The following CELF4 variants were observed in gnomAD, a reference collection of about 807,000 sequenced individuals.
CELF4 encodes CUGBP Elav-like family member 4, also known as CUG-BP- and ETR-3-like factor 4.
In CELF4, 18 loss-of-function variants were observed where a neutral mutation model predicts 59.9. That is an observed-to-expected ratio of 0.30 (90% CI 0.21 to 0.45). The LOEUF (loss-of-function observed/expected upper bound fraction) is 0.45. CELF4 is among the 20% of genes least tolerant of loss of function. CELF4 has a pLI of 1.00. For missense variants in CELF4, 456 were observed against 689.0 expected (o/e 0.66, Z 3.79); for synonymous variants, 261 against 267.1 (o/e 0.98, Z 0.22).
At chr18:37,460,938 G>T (rs945081626) in intron 2 of CELF4, among the ~76,000 whole-genome samples, 1 of 152,306 alleles carries the variant, frequency 6.6e-6, no homozygotes, top group Non-Finnish European at 1.5e-5. Context: ...ATGACACTGA[G>T]ATTCCATCAA....
chr18:37,534,063 T>C (rs553963571), intron 1 of CELF4, among the ~76,000 whole-genome samples: 1 of 152,200 alleles, frequency 6.6e-6, no homozygotes, highest in Non-Finnish European at 1.5e-5. Flanking sequence ...GGATTCCCCG[T>C]CTCTCATTCC....
At chr18:37,288,660 C>A (rs2154406710) in intron 3 of CELF4, among the ~76,000 whole-genome samples, 1 of 152,304 alleles carries the variant, frequency 6.6e-6, no homozygotes, top group African/African-American at 2.4e-5. Context: ...GTCATGAGGC[C>A]CTGCTGAGCT....
intron 2 of CELF4, among the ~76,000 whole-genome samples, chr18:37,425,671 A>C (rs981111905): frequency 1.3e-5 from 2 of 152,388 alleles, no homozygotes; most frequent in South Asian, 4.1e-4. Context: ...AGATTCAAGA[A>C]AGAAAAAAGC....
intron 1 of CELF4, among the ~76,000 whole-genome samples, chr18:37,489,400 C>T (rs931009740): frequency 6.6e-6 from 1 of 152,036 alleles, no homozygotes; most frequent in Non-Finnish European, 1.5e-5. Context: ...TGGTGAGAGG[C>T]CTGTGGTGGA....
chr18:37,496,412 G>A lies in CELF4; in HGVS notation c.287-10805C>T, dbSNP rs192313951. Among the ~76,000 whole-genome samples, 293 of 152,286 alleles carry A rather than the reference G, an allele frequency of 1.9e-3. 1 individual carries two copies. The highest frequency in any genetic ancestry group is 6.8e-3 in the African/African-American group (283 of 41,562). On this transcript the variant is annotated intron_variant, in intron 1 of 12. Transcript: ENST00000420428. ...CCACCCCTCTTTGATTGCAGGGTCT[G>A]GTCACATGGTGGCACTCAGGACCTG...
chr18:37,565,730 T>A lies in CELF4; in HGVS notation c.-89A>T. On this transcript the variant is annotated 5_prime_UTR_variant, in exon 1 of 13. It removes an upstream start codon present in the reference 5' UTR. Coordinates refer to ENST00000420428, the MANE Select transcript of CELF4 (RefSeq NM_020180.4). ...GCTCGCGCTCACACACGCACACGCATACACACACTCGGGTTCTCTCCCCCT... is the reference window on the plus strand; with the variant it reads ...GCTCGCGCTCACACACGCACACGCAAACACACACTCGGGTTCTCTCCCCCT... 8.9e-7 allele frequency: 1 copy of A among 1,124,000 alleles called. No homozygotes were observed. Among genetic ancestry groups the A allele is most frequent in the Non-Finnish European group, 1.2e-6 (1 of 811,838 alleles). 69.6% of individuals were successfully genotyped at this position (1,124,000 alleles called of 1,614,324 possible).
chr18:37,527,154 A>G (rs1043661226), intron 1 of CELF4, among the ~76,000 whole-genome samples: 2 of 152,012 alleles, frequency 1.3e-5, no homozygotes, highest in Non-Finnish European at 2.9e-5. Flanking sequence ...AATGAGCACA[A>G]TGATCAAGAA....
chr18:37,438,658 A>G (rs988937065), intron 2 of CELF4, among the ~76,000 whole-genome samples: 1 of 152,234 alleles, frequency 6.6e-6, no homozygotes, highest in Non-Finnish European at 1.5e-5. Flanking sequence ...GAATCCAGCC[A>G]GAAAAAATAT....
In CELF4 at chr18:37,258,667, C is replaced by T. The variant is rs528756269; in HGVS notation, c.1333+514G>A. ...AGGACAGAGAGCTGGAGAGAGGAGG[C>T]GAAGGGGTGGGCAGGAGAGGGGCCT... On this transcript the variant is annotated intron_variant, in intron 11 of 12. Transcript: ENST00000420428. 1.2e-4 allele frequency among the ~76,000 whole-genome samples: 18 copies of T among 152,032 alleles called. No homozygotes were observed. The East Asian group carries it at 2.9e-3, about 25-fold the overall frequency.
intron 1 of CELF4, among the ~76,000 whole-genome samples, chr18:37,550,828 C>T (rs538869094): frequency 6.6e-5 from 10 of 152,308 alleles, no homozygotes; most frequent in South Asian, 2.1e-4. Context: ...CGATTAGAGA[C>T]GTTTCTTTGG....
At chr18:37,256,456 C>T (rs1480866060) in intron 11 of CELF4, among the ~76,000 whole-genome samples, 1 of 152,202 alleles carries the variant, frequency 6.6e-6, no homozygotes, top group African/African-American at 2.4e-5. Context: ...TAAGCTCCCT[C>T]ACAGCATCCC....
rs2097934889 is a variant in CELF4, at chr18:37,339,975, G to A, written c.370-18094C>T. On this transcript the variant is annotated intron_variant, in intron 2 of 12. Transcript: ENST00000420428. ...TGTCCGGCTGTTTCCCCCATAGAGT[G>A]CACCCCACCTGCCATCAGCGCATTA... Among the ~76,000 whole-genome samples, 5 of 152,238 alleles carry A rather than the reference G, an allele frequency of 3.3e-5. No homozygotes were observed. The South Asian group carries it at 1.0e-3, about 32-fold the overall frequency.
intron 1 of CELF4, among the ~76,000 whole-genome samples, chr18:37,531,672 G>T (rs968809421): frequency 5.9e-5 from 9 of 152,194 alleles, no homozygotes; most frequent in African/African-American, 2.2e-4. Context: ...TGTCTTTGGA[G>T]GTGAGAAGTT....
In CELF4 at chr18:37,324,314, T is replaced by C. The variant is rs551676146; in HGVS notation, c.370-2433A>G. 7.9e-5 allele frequency among the ~76,000 whole-genome samples: 12 copies of C among 152,244 alleles called. No individual in the cohort carries two copies. In the South Asian group the frequency reaches 2.1e-3, roughly 26 times the overall value. On this transcript the variant is annotated intron_variant, in intron 2 of 12. Transcript: ENST00000420428. Reference sequence around the variant, plus strand: ...GTACCTTTAAGGAGGTACTTAAGGTTGAATGGAGTTATAAGAGTAGGGCCC... The same window carrying C: ...GTACCTTTAAGGAGGTACTTAAGGTCGAATGGAGTTATAAGAGTAGGGCCC...
chr18:37,307,829 G>A (rs1163177198), intron 3 of CELF4, among the ~76,000 whole-genome samples: 1 of 152,184 alleles, frequency 6.6e-6, no homozygotes, highest in Non-Finnish European at 1.5e-5. Context: ...AGAGGGCAGG[G>A]AAAGGGTTTG....
chr18:37,398,128 C>G (rs143160059), intron 2 of CELF4, among the ~76,000 whole-genome samples: 1 of 152,142 alleles, frequency 6.6e-6, no homozygotes, highest in Non-Finnish European at 1.5e-5. Flanking sequence ...AGTGAGCTGC[C>G]GGCCCTTGCT....
intron 2 of CELF4, among the ~76,000 whole-genome samples, chr18:37,346,054 G>A (rs1278222202): frequency 1.3e-5 from 2 of 152,302 alleles, no homozygotes; most frequent in African/African-American, 2.4e-5. Context: ...GGGGAGAACC[G>A]TGCTGTGCCT....
chr18:37,274,925 G>A, intron 4 of CELF4, 41 bp from the exon 5 acceptor site: 2 of 1,593,668 alleles, frequency 1.3e-6, no homozygotes, highest in African/African-American at 1.3e-5. Flanking sequence ...CCAGAAGCAG[G>A]GCCAGGGAGG....
intron 2 of CELF4, among the ~76,000 whole-genome samples, chr18:37,441,204 G>GCCAGCTC (rs2154601179): frequency 6.6e-6 from 1 of 152,138 alleles, no homozygotes; most frequent in South Asian, 2.1e-4. Flanking sequence ...GCTCCAGCCA[G>GCCAGCTC]CCAGCTCCCT....
Sources: gnomAD v4.1 joint callset for allele counts (sites outside exome capture counted in the v4.1 genomes callset) on GRCh38, gnomAD v4.1.1 for gene constraint, MANE v1.5 for transcripts, NCBI Gene and HGNC (gene_info 2026-07-23, HGNC 2026-07-21) for gene names.